HECW2: variants seen among roughly 807,000 people sequenced by gnomAD.
HECW2 encodes E3 ubiquitin-protein ligase HECW2.
Under a neutral mutation model 175.2 loss-of-function variants are expected in HECW2, and 61 were observed. The ratio of observed to expected loss-of-function variants is 0.35; its 90% CI spans 0.28 to 0.43. The LOEUF is 0.43. HECW2 is among the 20% of genes least tolerant of loss of function. The pLI, the probability that HECW2 is intolerant of heterozygous loss-of-function variation, is 1.00. For missense variants in HECW2, 1,524 were observed against 2,000.5 expected (o/e 0.76, Z 4.54); for synonymous variants, 671 against 731.0 (o/e 0.92, Z 1.32).
chr2:196,552,160 G>C (rs1387536286), intron 1 of HECW2, among the ~76,000 whole-genome samples: 3 of 152,196 alleles, frequency 2.0e-5, no homozygotes, highest in African/African-American at 7.2e-5. Flanking sequence ...AAAATGATAA[G>C]AATTATAATG....
At chr2:196,507,756 A>G (rs532169785) in intron 1 of HECW2, among the ~76,000 whole-genome samples, 9 of 152,224 alleles carry the variant, frequency 5.9e-5, no homozygotes, top group African/African-American at 1.9e-4. Flanking sequence ...CCTAAACATT[A>G]CACCTAACAA....
intron 1 of HECW2, among the ~76,000 whole-genome samples, chr2:196,523,250 G>C (rs944319841): frequency 6.6e-6 from 1 of 151,962 alleles, no homozygotes; most frequent in African/African-American, 2.4e-5. Flanking sequence ...GTGAATGGGA[G>C]TTCACTCATC....
intron 1 of HECW2, among the ~76,000 whole-genome samples, chr2:196,559,500 C>T (rs1689923589): frequency 6.6e-6 from 1 of 152,190 alleles, no homozygotes; most frequent in South Asian, 2.1e-4. Context: ...CATCTGGAGT[C>T]CAGTTGATTA....
chr2:196,271,197 G>C lies in HECW2; in HGVS notation c.3331C>G (p.Leu1111Val). 6.3e-7 allele frequency: 1 copy of C among 1,578,262 alleles called. No homozygotes were observed. Among genetic ancestry groups the C allele is most frequent in the Non-Finnish European group, 8.7e-7 (1 of 1,147,678 alleles). The change falls in exon 17 of 29, where the codon CTC becomes GTC. Residue 1111 changes from leucine (L) to valine (V), a missense_variant. Leu to Val is a conservative substitution (Grantham distance 32, BLOSUM62 1). Around this residue, in one of 11 missense-constraint regions of HECW2, gnomAD observed 291 missense variants for 412.2 expected, o/e 0.71. Coordinates refer to ENST00000644978, the MANE Select transcript of HECW2 (RefSeq NM_001348768.2). ...RQPDLTRNHS[L>V]REKIQFIRTE... ...AAATACCAATATTATTGTTACCTGA[G>C]TGAGTGATTCCTGGTAAGATCAGGT...
intron 2 of HECW2, among the ~76,000 whole-genome samples, chr2:196,404,014 G>A (rs1375593104): frequency 6.6e-6 from 1 of 152,154 alleles, no homozygotes; most frequent in Non-Finnish European, 1.5e-5. Context: ...AAACACTCTA[G>A]TAATATATAA....
chr2:196,419,021 A>G (rs147578963), intron 2 of HECW2, among the ~76,000 whole-genome samples: 99 of 152,308 alleles, frequency 6.5e-4, no homozygotes, highest in African/African-American at 2.3e-3. Flanking sequence ...CTTAAAACCA[A>G]CTCTCGAATG....
chr2:196,356,332 C>T (rs867811868), intron 2 of HECW2, among the ~76,000 whole-genome samples: 4 of 152,164 alleles, frequency 2.6e-5, no homozygotes, highest in South Asian at 2.1e-4. Context: ...GCAGTCACCT[C>T]GTATCCATAG....
intron 14 of HECW2, among the ~76,000 whole-genome samples, chr2:196,284,109 G>A (rs1245438789): frequency 6.6e-6 from 1 of 151,956 alleles, no homozygotes; most frequent in Non-Finnish European, 1.5e-5. Context: ...CTTTATTTTA[G>A]GAAAACATTT....
intron 14 of HECW2, among the ~76,000 whole-genome samples, chr2:196,284,365 GT>G (rs1243956877): frequency 6.6e-6 from 1 of 152,188 alleles, no homozygotes; most frequent in African/African-American, 2.4e-5. Flanking sequence ...GTTTACACAT[GT>G]TTTTTACATC....
chr2:196,391,083 A>G (rs1355197859), intron 2 of HECW2, among the ~76,000 whole-genome samples: 1 of 152,154 alleles, frequency 6.6e-6, no homozygotes, highest in Non-Finnish European at 1.5e-5. Flanking sequence ...TTTAGTCAAC[A>G]GGGAGCACCA....
At chr2:196,226,128 T>C (rs764735794) in intron 22 of HECW2, among the ~76,000 whole-genome samples, 13 of 152,108 alleles carry the variant, frequency 8.5e-5, no homozygotes, top group African/African-American at 1.4e-4. Flanking sequence ...TGGGAGGTGT[T>C]TGGATCATGG....
chr2:196,440,722 T>G (rs1313022128), intron 1 of HECW2, among the ~76,000 whole-genome samples: 1 of 152,178 alleles, frequency 6.6e-6, no homozygotes, highest in Non-Finnish European at 1.5e-5. Context: ...CACGTTCTTT[T>G]GAAAAGCTTC....
chr2:196,513,937 G>A (rs1334332249), intron 1 of HECW2, among the ~76,000 whole-genome samples: 1 of 152,238 alleles, frequency 6.6e-6, no homozygotes, highest in African/African-American at 2.4e-5. Context: ...CCACTGCCAT[G>A]ACGCTGGTGG....
At position 196,200,317 on chromosome 2, in the gene HECW2, T is replaced by C. The variant is rs1157875047; in HGVS notation, c.*960A>G. 2 of 152,540 alleles carry C rather than the reference T, an allele frequency of 1.3e-5. No individual in the cohort carries two copies. Among genetic ancestry groups the C allele is most frequent in the Non-Finnish European group, 2.9e-5 (2 of 68,006 alleles). The allele number at this position is 152,540 out of a possible 1,614,324, so 9.4% of individuals were successfully genotyped here. Reference sequence around the variant, plus strand: ...CTTTGGTACATTCAGTGCAAAATATTTGGGGAATTTTTTTTACCTTTATAA... The same window carrying C: ...CTTTGGTACATTCAGTGCAAAATATCTGGGGAATTTTTTTTACCTTTATAA... On this transcript the variant is annotated 3_prime_UTR_variant, in exon 29 of 29. Transcript: ENST00000644978.
In HECW2 at chr2:196,318,694, C is replaced by T; in HGVS notation, c.2196G>A (p.Glu732=). ...AESATVPDQE[E]LGEVWQRRGS... is the part of the protein sequence containing the mutation. ...CCCTCCGCTGCCAGACCTCCCCCAG[C>T]TCCTCCTGGTCAGGTACAGTGGCCG... is the stretch of plus-strand genomic sequence containing the variant. The change falls in exon 9 of 29, where the codon GAG becomes GAA. Residue 732 remains glutamate, a synonymous_variant. Transcript: ENST00000644978. 10 of 1,591,642 alleles carry T rather than the reference C, an allele frequency of 6.3e-6. No homozygotes were observed. Among genetic ancestry groups the T allele is most frequent in the Non-Finnish European group, 7.7e-6 (9 of 1,169,106 alleles).
At chr2:196,542,123 A>G (rs1689236729) in intron 1 of HECW2, among the ~76,000 whole-genome samples, 1 of 151,772 alleles carries the variant, frequency 6.6e-6, no homozygotes, top group African/African-American at 2.4e-5. Flanking sequence ...AATTAGTCAG[A>G]CGTGGTGGCG....
At chr2:196,345,263 C>G (rs1161064650) in intron 2 of HECW2, among the ~76,000 whole-genome samples, 1 of 152,182 alleles carries the variant, frequency 6.6e-6, no homozygotes. Flanking sequence ...TGAAAGGTAT[C>G]ACATGGCTCC....
At chr2:196,376,837 G>C (rs1183172366) in intron 2 of HECW2, among the ~76,000 whole-genome samples, 1 of 151,198 alleles carries the variant, frequency 6.6e-6, no homozygotes, top group Non-Finnish European at 1.5e-5. Flanking sequence ...AAGAGGCTGA[G>C]ATAGGAGAAT....
At chr2:196,263,304 T>C (rs1689381879) in intron 17 of HECW2, 1 of 152,140 alleles carries the variant, frequency 6.6e-6, no homozygotes, top group Non-Finnish European at 1.5e-5. Flanking sequence ...CTCTACTAGA[T>C]CATTTGAGGA....
Sources: allele counts gnomAD v4.1 joint callset (sites outside exome capture counted in the v4.1 genomes callset), GRCh38; gene constraint gnomAD v4.1.1; regional missense constraint gnomAD v4.1.1; transcripts MANE v1.5; gene names NCBI Gene and HGNC (gene_info 2026-07-23, HGNC 2026-07-21).